CCDC175: variants seen among roughly 807,000 people sequenced by gnomAD.
CCDC175 encodes coiled-coil domain-containing protein 175.
A neutral mutation model predicts 114.6 loss-of-function variants in CCDC175; 100 were observed. The observed-to-expected ratio is 0.87, with a 90% CI of 0.74 to 1.03. The LOEUF is 1.03. CCDC175 is among the 50% of genes least tolerant of loss of function. CCDC175 has a pLI of 0.00. For missense variants in CCDC175, 880 were observed against 917.8 expected, an observed-to-expected ratio of 0.96 and a Z score of 0.53; for synonymous variants, 306 against 308.7, an observed-to-expected ratio of 0.99 and a Z score of 0.09.
intron 8 of CCDC175, among the ~76,000 whole-genome samples, chr14:59,549,578 G>C (rs1303039698): frequency 6.6e-6 from 1 of 151,912 alleles, no homozygotes; most frequent in African/African-American, 2.4e-5. Flanking sequence ...AAATTAGCCA[G>C]GTGTCATGGC....
intron 17 of CCDC175, among the ~76,000 whole-genome samples, chr14:59,518,968 G>C (rs1893268270): frequency 1.3e-5 from 2 of 152,174 alleles, no homozygotes; most frequent in Non-Finnish European, 2.9e-5. Flanking sequence ...CACATATACA[G>C]CATGGAATAC....
intron 6 of CCDC175, among the ~76,000 whole-genome samples, chr14:59,562,681 C>T (rs1332253165): frequency 6.6e-6 from 1 of 152,026 alleles, no homozygotes; most frequent in Non-Finnish European, 1.5e-5. Context: ...TAGAGATCTT[C>T]GGAGTACAGG....
At chr14:59,547,953 A>G (rs1895219051) in intron 8 of CCDC175, among the ~76,000 whole-genome samples, 1 of 152,190 alleles carries the variant, frequency 6.6e-6, no homozygotes. Flanking sequence ...ACTGCTGGGT[A>G]TATATCCCAA....
At chr14:59,549,439 G>T (rs2140064634) in intron 8 of CCDC175, among the ~76,000 whole-genome samples, 1 of 152,300 alleles carries the variant, frequency 6.6e-6, no homozygotes, top group South Asian at 2.1e-4. Context: ...CCTAGGCCTG[G>T]GAGGTTGAGG....
chr14:59,533,476 C>A (rs1314024596), intron 13 of CCDC175, among the ~76,000 whole-genome samples: 1 of 152,160 alleles, frequency 6.6e-6, no homozygotes, highest in Non-Finnish European at 1.5e-5. Context: ...CTTATGTTCA[C>A]TGTGTTTTAG....
At chr14:59,567,597 C>T (rs941502132) in intron 4 of CCDC175, among the ~76,000 whole-genome samples, 1 of 152,138 alleles carries the variant, frequency 6.6e-6, no homozygotes, top group Non-Finnish European at 1.5e-5. Context: ...TATATCTCTT[C>T]CTTTCATGAG....
chr14:59,551,926 C>T (rs1376943492), intron 7 of CCDC175, among the ~76,000 whole-genome samples: 1 of 152,172 alleles, frequency 6.6e-6, no homozygotes, highest in Non-Finnish European at 1.5e-5. Flanking sequence ...GGGGGAGGGG[C>T]GCCCGCCATT....
intron 13 of CCDC175, among the ~76,000 whole-genome samples, chr14:59,536,281 G>A (rs1676284993): frequency 6.6e-6 from 1 of 151,878 alleles, no homozygotes; most frequent in Non-Finnish European, 1.5e-5. Flanking sequence ...GCAGACATCT[G>A]CAGGGCACCC....
At position 59,522,283 on chromosome 14, in the gene CCDC175, CA is replaced by C. The variant is rs1893464876; in HGVS notation, c.1996-608del. On this transcript the variant is annotated intron_variant, in intron 16 of 19. Transcript: ENST00000537690. ...AACTGGTCCAGTTTCAAGAAAGAAACAAATACTATAAACTATCCATAAAAAT... is the reference window on the plus strand; with the variant it reads ...AACTGGTCCAGTTTCAAGAAAGAAACAATACTATAAACTATCCATAAAAAT... Among the ~76,000 whole-genome samples the C allele has an allele frequency of 2.0e-5, 3 of 152,134 alleles. No individual in the cohort carries two copies. In the South Asian group the frequency reaches 6.2e-4, roughly 32 times the overall value.
chr14:59,559,633 A>G (rs1055109622), intron 7 of CCDC175, among the ~76,000 whole-genome samples: 12 of 152,260 alleles, frequency 7.9e-5, no homozygotes, highest in South Asian at 6.2e-4. Context: ...CCAAGCGGGA[A>G]CTAGGTTGCC....
At chr14:59,551,303 C>A (rs1290023577) in intron 8 of CCDC175, 52 bp downstream of exon 8, 9 of 835,462 alleles carry the variant, frequency 1.1e-5, no homozygotes, top group South Asian at 2.2e-5. Flanking sequence ...TAAACATTAA[C>A]TAAAAATGAA....
rs1566591121 is a variant in CCDC175 at position 59,510,681 on chromosome 14, A to C, written c.2270T>G (p.Leu757Trp). The change falls in exon 19 of 20, where the codon TTG (leucine) becomes TGG (tryptophan). Residue 757 changes from leucine to tryptophan, a missense_variant. Coordinates refer to ENST00000537690, the MANE Select transcript of CCDC175 (RefSeq NM_001164399.2). The stretch of plus-strand genomic sequence containing the variant: ...CATTGGTGATTCCTGTTCCACAAGC[A>C]AACGCAGCCCTTCAAGACTCCCTCG... ...WLRGSLEGLR[L>W]LVEQESPMDL... 1.3e-6 allele frequency: 2 copies of C among 1,537,148 alleles called. No individual in the cohort carries two copies. The highest frequency in any genetic ancestry group is 4.9e-5 in the East Asian group (2 of 40,914).
In CCDC175 at chr14:59,507,238, G is replaced by C. The variant is rs564043440; in HGVS notation, c.2306-1923C>G. Among the ~76,000 whole-genome samples, 8 of 152,302 alleles carry C rather than the reference G, an allele frequency of 5.3e-5. No individual in the cohort carries two copies. In the East Asian group the frequency reaches 5.8e-4, roughly 11 times the overall value. Reference sequence around the variant, plus strand: ...GGCAGTTCTTGACCAGCTTATGTCTGTGCTTCTCCTTTGGGAAGATATCCC... The same window carrying C: ...GGCAGTTCTTGACCAGCTTATGTCTCTGCTTCTCCTTTGGGAAGATATCCC... On this transcript the variant is annotated intron_variant, in intron 19 of 19. Coordinates refer to ENST00000537690, the MANE Select transcript of CCDC175 (RefSeq NM_001164399.2).
intron 19 of CCDC175, 124 bp downstream of exon 19, chr14:59,510,518 ATGTT>A (rs1892679226): frequency 1.1e-6 from 1 of 887,634 alleles, no homozygotes; most frequent in Non-Finnish European, 1.8e-6. Flanking sequence ...GTTCAATTGA[ATGTT>A]TGTGGCATAA....
Position 59,576,634 on chromosome 14 carries a change from G to T in CCDC175, c.142C>A (p.Gln48Lys). 6.8e-7 allele frequency: 1 copy of T among 1,474,312 alleles called. No homozygotes were observed. Among genetic ancestry groups the T allele is most frequent in the South Asian group, 1.3e-5 (1 of 76,574 alleles). 91.3% of individuals were successfully genotyped at this position (1,474,312 alleles called of 1,614,324 possible). A position where few individuals can be genotyped will look rare whatever the true frequency, so the allele number is the denominator to read the frequency against. The change falls in exon 1 of 20, where the codon CAG (glutamine) becomes AAG (lysine). Residue 48 changes from glutamine (Q) to lysine (K), a missense_variant. By Grantham distance (53) the Gln-to-Lys change is moderately conservative. Transcript: ENST00000537690. ...GSSVAVEALEQLFVVEQSLQS... is the reference protein window; with the variant it reads ...GSSVAVEALEKLFVVEQSLQS... ...GGCGTCTTACCCACAACAAACAGCT[G>T]CTCCAGCGCCTCGACCGCGACCGAG...
chr14:59,562,162 A>G (rs1331414493), intron 6 of CCDC175, among the ~76,000 whole-genome samples: 1 of 152,256 alleles, frequency 6.6e-6, no homozygotes, highest in African/African-American at 2.4e-5. Flanking sequence ...AGAATTAGGG[A>G]TACATGCTGA....
intron 17 of CCDC175, among the ~76,000 whole-genome samples, chr14:59,517,858 G>A (rs1240902955): frequency 9.9e-5 from 15 of 152,050 alleles, no homozygotes; most frequent in South Asian, 2.1e-4. Flanking sequence ...AGCCCGCATC[G>A]CCAAGTCAAT....
intron 17 of CCDC175, among the ~76,000 whole-genome samples, chr14:59,516,765 TCTGAAA>T (rs1386113158): frequency 6.6e-6 from 1 of 152,168 alleles, no homozygotes; most frequent in African/African-American, 2.4e-5. Flanking sequence ...TACCATTCCT[TCTGAAA>T]CTATTCCAAT....
At chr14:59,560,809 C>A (rs530313977) in intron 7 of CCDC175, among the ~76,000 whole-genome samples, 1 of 152,060 alleles carries the variant, frequency 6.6e-6, no homozygotes, top group Admixed American at 6.6e-5. Context: ...CCACTAATGC[C>A]GTCCCTCATG....
Sources: allele counts gnomAD v4.1 joint callset (sites outside exome capture counted in the v4.1 genomes callset), GRCh38; gene constraint gnomAD v4.1.1; transcripts MANE v1.5; gene names NCBI Gene and HGNC (gene_info 2026-07-23, HGNC 2026-07-21).